The following AUTS2 variants were observed in gnomAD, a reference collection of about 807,000 sequenced individuals.
AUTS2 encodes activator of transcription and developmental regulator AUTS2.
Under a neutral mutation model 112.4 loss-of-function variants are expected in AUTS2, and 17 were observed. That is an observed-to-expected ratio of 0.15 (90% CI 0.10 to 0.23). The LOEUF (loss-of-function observed/expected upper bound fraction) is 0.23, where lower values mean the gene tolerates loss of function less well. Ranked by LOEUF, AUTS2 falls within the 10% of genes least tolerant of loss-of-function variation. The pLI, the probability that AUTS2 is intolerant of heterozygous loss-of-function variation, is 1.00. For synonymous variants in AUTS2, 751 were observed against 702.7 expected (o/e 1.07, Z -1.09); for missense variants, 1,510 against 1,701.6 (o/e 0.89, Z 1.98).
chr7:70,658,782 C>T (rs956545386), intron 5 of AUTS2, among the ~76,000 whole-genome samples: 1 of 152,148 alleles, frequency 6.6e-6, no homozygotes, highest in Admixed American at 6.5e-5. Flanking sequence ...TTTCTTATTT[C>T]GGGTGCGAGG....
chr7:70,187,775 C>CTTT (rs71077627), intron 4 of AUTS2, among the ~76,000 whole-genome samples: 19,643 of 109,600 alleles, frequency 0.18, 1,560 homozygotes, highest in Middle Eastern at 0.23. Context: ...AACTAGTCTT[C>CTTT]TTTTTTTTTT....
intron 2 of AUTS2, among the ~76,000 whole-genome samples, chr7:70,044,340 A>T (rs1584629257): frequency 6.6e-6 from 1 of 152,304 alleles, no homozygotes; most frequent in East Asian, 1.9e-4. Context: ...TGTTGCCTAG[A>T]GTAATTCCCA....
At chr7:69,811,347 AC>A (rs1341571388) in intron 1 of AUTS2, among the ~76,000 whole-genome samples, 1 of 152,022 alleles carries the variant, frequency 6.6e-6, no homozygotes, top group Non-Finnish European at 1.5e-5. Context: ...ATGTGTGGGT[AC>A]CTAGCAAAGG....
intron 5 of AUTS2, among the ~76,000 whole-genome samples, chr7:70,503,067 G>A (rs958410555): frequency 6.6e-6 from 1 of 152,082 alleles, no homozygotes; most frequent in Admixed American, 6.5e-5. Flanking sequence ...GAGGAAAGGA[G>A]CACTTCTCCA....
chr7:70,519,769 G>A (rs1287747728), intron 5 of AUTS2, among the ~76,000 whole-genome samples: 3 of 152,176 alleles, frequency 2.0e-5, no homozygotes, highest in African/African-American at 7.2e-5. Context: ...TAGTGACACT[G>A]GCAGGGTTCT....
chr7:70,319,385 G>C (rs1004873074), intron 4 of AUTS2, among the ~76,000 whole-genome samples: 1 of 152,092 alleles, frequency 6.6e-6, no homozygotes, highest in Non-Finnish European at 1.5e-5. Flanking sequence ...GACAGGTGAG[G>C]GTGCAGAACA....
At chr7:70,673,269 C>T (rs1453969686) in intron 5 of AUTS2, among the ~76,000 whole-genome samples, 12 of 152,318 alleles carry the variant, frequency 7.9e-5, no homozygotes, top group Middle Eastern at 3.4e-3. Context: ...GGGACCTGGG[C>T]AGAACTGCCC....
intron 5 of AUTS2, among the ~76,000 whole-genome samples, chr7:70,633,217 A>G (rs553336666): frequency 1.3e-5 from 2 of 152,148 alleles, no homozygotes; most frequent in African/African-American, 4.8e-5. Flanking sequence ...CCACCTCTTC[A>G]CTCTGGCTCT....
intron 1 of AUTS2, among the ~76,000 whole-genome samples, chr7:69,831,849 T>G (rs371606068): frequency 1.3e-5 from 2 of 152,306 alleles, no homozygotes; most frequent in East Asian, 1.9e-4. Flanking sequence ...AGTTAAAAAA[T>G]TTTACATCAC....
chr7:69,740,471 T>C (rs1787215175), intron 1 of AUTS2, among the ~76,000 whole-genome samples: 1 of 152,160 alleles, frequency 6.6e-6, no homozygotes, highest in African/African-American at 2.4e-5. Context: ...AAGACACAAT[T>C]GTGAAACATA....
At chr7:70,467,299 A>G (rs1214087041) in intron 5 of AUTS2, among the ~76,000 whole-genome samples, 1 of 152,178 alleles carries the variant, frequency 6.6e-6, no homozygotes, top group Non-Finnish European at 1.5e-5. Context: ...TATATTCATA[A>G]CTTTGTATTC....
intron 5 of AUTS2, among the ~76,000 whole-genome samples, chr7:70,671,286 A>C (rs1157167880): frequency 6.6e-6 from 1 of 152,240 alleles, no homozygotes; most frequent in East Asian, 1.9e-4. Context: ...CTGGGTATTC[A>C]GTGGGCAGCC....
At chr7:69,793,469 A>G (rs953273647) in intron 1 of AUTS2, among the ~76,000 whole-genome samples, 7 of 152,198 alleles carry the variant, frequency 4.6e-5, no homozygotes, top group African/African-American at 1.7e-4. Flanking sequence ...ACACAGAACT[A>G]TGGCAGACTT....
intron 6 of AUTS2, among the ~76,000 whole-genome samples, chr7:70,744,042 C>G (rs1355438648): frequency 6.6e-6 from 1 of 151,876 alleles, no homozygotes; most frequent in Non-Finnish European, 1.5e-5. Context: ...TTTCCAGCCC[C>G]GAGTGTTGGC....
At chr7:70,147,965 T>G (rs1279008426) in intron 4 of AUTS2, among the ~76,000 whole-genome samples, 1 of 152,226 alleles carries the variant, frequency 6.6e-6, no homozygotes, top group East Asian at 1.9e-4. Flanking sequence ...TACCAAGAAG[T>G]GATCTCTCTT....
At chr7:70,723,830 A>G (rs1431502328) in intron 6 of AUTS2, among the ~76,000 whole-genome samples, 2 of 151,972 alleles carry the variant, frequency 1.3e-5, no homozygotes, top group Non-Finnish European at 2.9e-5. Flanking sequence ...ATAAAGATCA[A>G]GTATTCCTGA....
At chr7:70,559,349 T>C (rs77649177) in intron 5 of AUTS2, among the ~76,000 whole-genome samples, 1 of 151,950 alleles carries the variant, frequency 6.6e-6, no homozygotes, top group Admixed American at 6.6e-5. Context: ...TTTTTTTTTT[T>C]TCTGAGGCGG....
intron 1 of AUTS2, among the ~76,000 whole-genome samples, chr7:69,834,900 G>A (rs995568505): frequency 2.2e-4 from 34 of 152,102 alleles, no homozygotes; most frequent in South Asian, 4.2e-4. Context: ...TCTTGTTCTC[G>A]TCTTATAAAT....
chr7:70,466,887 A>G (rs1797186370), intron 5 of AUTS2, among the ~76,000 whole-genome samples: 1 of 152,204 alleles, frequency 6.6e-6, no homozygotes, highest in Non-Finnish European at 1.5e-5. Context: ...GAGGGAGGCC[A>G]GAGTGAAGAT....
Sources: gnomAD v4.1 joint callset for allele counts (sites outside exome capture counted in the v4.1 genomes callset) on GRCh38, gnomAD v4.1.1 for gene constraint, MANE v1.5 for transcripts, NCBI Gene and HGNC (gene_info 2026-07-23, HGNC 2026-07-21) for gene names.